The following UBASH3B variants were observed in gnomAD, a reference collection of about 807,000 sequenced individuals.
UBASH3B encodes the protein ubiquitin associated and SH3 domain containing B.
In UBASH3B, 37 loss-of-function variants were observed where a neutral mutation model predicts 83.4. That is an observed-to-expected ratio of 0.44 (90% CI 0.34 to 0.58). The LOEUF is 0.58. Ranked by LOEUF, UBASH3B falls within the 20% of genes least tolerant of loss-of-function variation. UBASH3B has a pLI of 0.01. For missense variants in UBASH3B, 657 were observed against 827.2 expected (o/e 0.79, Z 2.52); for synonymous variants, 304 against 318.3 (o/e 0.96, Z 0.48).
intron 1 of UBASH3B, among the ~76,000 whole-genome samples, chr11:122,723,133 G>A (rs895312564): frequency 3.9e-5 from 6 of 152,040 alleles, no homozygotes; most frequent in African/African-American, 1.2e-4. Context: ...GCTCCTCCTG[G>A]CGATTTTAAT....
chr11:122,705,114 C>T (rs542196451), intron 1 of UBASH3B, among the ~76,000 whole-genome samples: 1 of 152,178 alleles, frequency 6.6e-6, no homozygotes, highest in African/African-American at 2.4e-5. Context: ...TAGCTGCCAG[C>T]CGGACTCATG....
At chr11:122,731,947 T>C (rs77830115) in intron 1 of UBASH3B, among the ~76,000 whole-genome samples, 15,385 of 152,108 alleles carry the variant, frequency 0.1, 868 homozygotes, top group Non-Finnish European at 0.13. Context: ...GAGTTCTTAG[T>C]TTGAAGGAGA....
chr11:122,808,203 C>T (rs2276408), intron 13 of UBASH3B, 27 bp downstream of exon 13: 334,218 of 1,575,528 alleles, frequency 0.21, 36,166 homozygotes, highest in Admixed American at 0.32. Flanking sequence ...CTTTGGGGTC[C>T]GTGATGGCTA....
At chr11:122,767,992 T>C (rs1289962394) in intron 1 of UBASH3B, among the ~76,000 whole-genome samples, 1 of 152,120 alleles carries the variant, frequency 6.6e-6, no homozygotes, top group Non-Finnish European at 1.5e-5. Context: ...TCTTGACTTG[T>C]AGCGGTTGAC....
At chr11:122,689,885 T>C (rs527720998) in intron 1 of UBASH3B, among the ~76,000 whole-genome samples, 1 of 152,126 alleles carries the variant, frequency 6.6e-6, no homozygotes, top group South Asian at 2.1e-4. Flanking sequence ...TGAGGAGATG[T>C]GTAAGGTGAG....
chr11:122,669,673 C>A (rs1009779571), intron 1 of UBASH3B, among the ~76,000 whole-genome samples: 1 of 152,196 alleles, frequency 6.6e-6, no homozygotes. Flanking sequence ...TCATAGCTAA[C>A]CTTCACTGGG....
chr11:122,661,303 A>G (rs2085488317), intron 1 of UBASH3B, among the ~76,000 whole-genome samples: 1 of 152,226 alleles, frequency 6.6e-6, no homozygotes, highest in Admixed American at 6.5e-5. Flanking sequence ...CTGCCCAAAG[A>G]TAAAAGCAGC....
At chr11:122,743,340 A>G (rs541455097) in intron 1 of UBASH3B, among the ~76,000 whole-genome samples, 221 of 152,228 alleles carry the variant, frequency 1.5e-3, no homozygotes, top group Non-Finnish European at 2.8e-3. Flanking sequence ...TCAGCCTCTC[A>G]AGTAGCTGGG....
chr11:122,779,105 A>C (rs764947939), intron 3 of UBASH3B, among the ~76,000 whole-genome samples: 1 of 152,226 alleles, frequency 6.6e-6, no homozygotes, highest in South Asian at 2.1e-4. Context: ...ATGATGAACT[A>C]TAGTCACTGT....
At chr11:122,789,042 A>G in intron 5 of UBASH3B, 58 bp from the exon 6 acceptor site, 11 of 1,511,932 alleles carry the variant, frequency 7.3e-6, no homozygotes, top group Non-Finnish European at 1.0e-5. Flanking sequence ...TCCTGCCCTC[A>G]AGGCGCTCAG....
chr11:122,769,123 G>C (rs1490487358), intron 1 of UBASH3B, among the ~76,000 whole-genome samples: 1 of 152,202 alleles, frequency 6.6e-6, no homozygotes, highest in Non-Finnish European at 1.5e-5. Context: ...CTATATGGGA[G>C]GCATGACTCC....
chr11:122,723,373 T>A (rs1325471831), intron 1 of UBASH3B, among the ~76,000 whole-genome samples: 1 of 152,228 alleles, frequency 6.6e-6, no homozygotes, highest in Non-Finnish European at 1.5e-5. Context: ...GAGCCAAGTC[T>A]CCAGCCTAAA....
chr11:122,712,131 G>C (rs1438968746), intron 1 of UBASH3B, among the ~76,000 whole-genome samples: 3 of 151,926 alleles, frequency 2.0e-5, no homozygotes, highest in Non-Finnish European at 2.9e-5. Flanking sequence ...GTGATTTGCA[G>C]CATCTGTTAT....
chr11:122,784,821 C>T lies in UBASH3B; in HGVS notation c.771+1599C>T, dbSNP rs188290753. Among the ~76,000 whole-genome samples the T allele has an allele frequency of 2.6e-5, 4 of 152,202 alleles. No homozygotes were observed. The East Asian group carries it at 5.8e-4, about 22-fold the overall frequency. On this transcript the variant is annotated intron_variant, in intron 5 of 13. Transcript: ENST00000284273. ...TTTTGTCTGACTCTGCTGATGGGAA[C>T]GTGATGTCCTCCTTTTGAGTCATTT...
In UBASH3B at chr11:122,806,532, C is replaced by T; in HGVS notation, c.1702+16C>T. The T allele has an allele frequency of 4.4e-6, 7 of 1,592,322 alleles. No individual in the cohort carries two copies. Among genetic ancestry groups the T allele is most frequent in the Non-Finnish European group, 6.0e-6 (7 of 1,172,668 alleles). ...AAAAGTAAAGGTAAGTGGTATTATT[C>T]TGAACTCCATCTGTACATACGTGAT... On this transcript the variant is annotated intron_variant, in intron 12 of 13. Transcript: ENST00000284273. The surrounding 1 kb of genome is among the most constrained non-coding windows in gnomAD (Gnocchi z 4.0).
At chr11:122,699,535 T>TTCTTTCTTTCTCTTTCTTTCTC (rs1386254721) in intron 1 of UBASH3B, among the ~76,000 whole-genome samples, 1 of 105,620 alleles carries the variant, frequency 9.5e-6, no homozygotes, top group African/African-American at 3.6e-5. Flanking sequence ...TTCTTTCTCT[T>TTCTTTCTTTCTCTTTCTTTCTC]TCTTTCTTTC....
At chr11:122,752,817 A>G (rs1861219994) in intron 1 of UBASH3B, among the ~76,000 whole-genome samples, 1 of 152,074 alleles carries the variant, frequency 6.6e-6, no homozygotes, top group Non-Finnish European at 1.5e-5. Context: ...CAGACATCTA[A>G]CCCTTGATAG....
In UBASH3B at chr11:122,690,250, A is replaced by ATCCAATTATATATATATATATC. The variant is rs1565530420; in HGVS notation, c.161+34051_161+34072dup. Among the ~76,000 whole-genome samples, 7 of 134,770 alleles carry ATCCAATTATATATATATATATC rather than the reference A, an allele frequency of 5.2e-5. No individual in the cohort carries two copies. In the East Asian group the frequency reaches 1.5e-3, roughly 29 times the overall value. The allele number at this position is 134,770 out of a possible 152,430, so 88.4% of individuals were successfully genotyped here. The stretch of plus-strand genomic sequence containing the variant: ...TATATCCAATTTTATATATATATAT[A>ATCCAATTATATATATATATATC]TCCAATTATATATATATATATCTCC... On this transcript the variant is annotated intron_variant, in intron 1 of 13. Transcript: ENST00000284273.
At chr11:122,796,092 C>T (rs1304973038) in intron 7 of UBASH3B, 64 bp from the exon 8 acceptor site, 1 of 1,593,510 alleles carries the variant, frequency 6.3e-7, no homozygotes, top group African/African-American at 1.3e-5. Flanking sequence ...CACCTGGCAC[C>T]TGGCTCCAAG....
Sources: gnomAD v4.1 joint callset for allele counts (sites outside exome capture counted in the v4.1 genomes callset) on GRCh38, gnomAD v4.1.1 for gene constraint, Gnocchi (gnomAD v3.1) non-coding constraint, MANE v1.5 for transcripts, NCBI Gene and HGNC (gene_info 2026-07-23, HGNC 2026-07-21) for gene names.